Variants in TNRC18 observed in about 807,000 individuals in gnomAD.
TNRC18 encodes the protein trinucleotide repeat-containing gene 18 protein.
In TNRC18, 69 loss-of-function variants were observed where a neutral mutation model predicts 226.7. The observed-to-expected ratio is 0.30, with a 90% CI of 0.25 to 0.37. TNRC18 has a LOEUF of 0.37. TNRC18 is among the 10% of genes least tolerant of loss of function. The pLI, the probability that TNRC18 is intolerant of heterozygous loss-of-function variation, is 1.00. For synonymous variants in TNRC18, 2,449 were observed against 1,927.6 expected, an observed-to-expected ratio of 1.27 and a Z score of -7.09; for missense variants, 4,754 against 4,256.6, an observed-to-expected ratio of 1.12 and a Z score of -3.25.
At chr7:5,332,280 T>C (rs1583803138) in intron 19 of TNRC18, among the ~76,000 whole-genome samples, 1 of 151,938 alleles carries the variant, frequency 6.6e-6, no homozygotes, top group African/African-American at 2.4e-5. Context: ...CTACAAACAA[T>C]AAATTAGCCA....
chr7:5,359,287 T>A (rs1406461831), intron 15 of TNRC18, 111 bp downstream of exon 15: 1 of 1,134,330 alleles, frequency 8.8e-7, no homozygotes, highest in East Asian at 2.4e-5. Context: ...CAACCACTTC[T>A]AAGGTTTCTG....
intron 11 of TNRC18, among the ~76,000 whole-genome samples, chr7:5,370,005 A>T (rs1021422465): frequency 1.3e-5 from 2 of 152,144 alleles, no homozygotes. Context: ...ATAATTTAAA[A>T]ATCTTATAAA....
chr7:5,319,454 G>C (rs1270675385), intron 24 of TNRC18, among the ~76,000 whole-genome samples: 1 of 152,172 alleles, frequency 6.6e-6, no homozygotes, highest in Non-Finnish European at 1.5e-5. Context: ...TTGCCTGTCT[G>C]ATATCCACAC....
At position 5,330,413 on chromosome 7, in the gene TNRC18, G is replaced by GTT. The variant is rs577873847; in HGVS notation, c.6147+2207_6147+2208dup. 2.0e-4 allele frequency among the ~76,000 whole-genome samples: 28 copies of GTT among 139,974 alleles called. 2 individuals carry two copies. Among genetic ancestry groups the GTT allele is most frequent in the East Asian group, 1.2e-3 (6 of 4,812 alleles). 91.8% of individuals were successfully genotyped at this position (139,974 alleles called of 152,430 possible). A position where few individuals can be genotyped will look rare whatever the true frequency, so the allele number is the denominator to read the frequency against. ...ACTCCCAGCTAATTGTTTTTTTGTTGTTTTTTTTTTTTGGTAGAGGCAGGG... is the reference window on the plus strand; with the variant it reads ...ACTCCCAGCTAATTGTTTTTTTGTTGTTTTTTTTTTTTTTGGTAGAGGCAGGG... On this transcript the variant is annotated intron_variant, in intron 19 of 29. Coordinates refer to ENST00000430969, the MANE Select transcript of TNRC18 (RefSeq NM_001080495.3).
intron 18 of TNRC18, 42 bp downstream of exon 18, chr7:5,345,520 C>CT: frequency 5.6e-6 from 1 of 178,078 alleles, no homozygotes; most frequent in Non-Finnish European, 1.2e-5. Context: ...GGCGTCCGCC[C>CT]CTCCCACCCA....
intron 5 of TNRC18, among the ~76,000 whole-genome samples, chr7:5,385,454 G>A (rs1400175194): frequency 7.5e-6 from 1 of 133,958 alleles, no homozygotes; most frequent in African/African-American, 2.7e-5. Flanking sequence ...CGCCACTGCA[G>A]TCCGCAGTCC....
At chr7:5,325,437 T>G (rs1378314326) in intron 19 of TNRC18, 189 bp from the exon 20 acceptor site, 3 of 619,676 alleles carry the variant, frequency 4.8e-6, no homozygotes, top group Non-Finnish European at 7.9e-6. Context: ...TGTTTTTTTT[T>G]TTTTGAGACG....
intron 24 of TNRC18, 72 bp downstream of exon 24, chr7:5,320,246 G>C (rs1788210380): frequency 5.7e-6 from 7 of 1,223,376 alleles, no homozygotes; most frequent in Middle Eastern, 2.6e-4. Flanking sequence ...GTTAGAGTTG[G>C]GTTTTAGTAG....
intron 18 of TNRC18, among the ~76,000 whole-genome samples, chr7:5,334,210 G>A (rs955823799): frequency 5.9e-5 from 9 of 152,328 alleles, no homozygotes; most frequent in East Asian, 3.9e-4. Flanking sequence ...GCACTGCCCC[G>A]GTAGATGAAG....
At chr7:5,366,891 G>C (rs576302954) in intron 11 of TNRC18, among the ~76,000 whole-genome samples, 192 of 152,316 alleles carry the variant, frequency 1.3e-3, no homozygotes, top group African/African-American at 4.1e-3. Flanking sequence ...GGACGCCCAA[G>C]TGACCTCTAG....
Position 5,356,780 on chromosome 7 carries a change from A to C in TNRC18, c.5194+136T>G, listed in dbSNP as rs918154612. ...CTTGGAGGCCATGCCAAGCTCAGGCACTGTAGTGCGCCCCAGAGAGAGAGC... is the reference window on the plus strand; with the variant it reads ...CTTGGAGGCCATGCCAAGCTCAGGCCCTGTAGTGCGCCCCAGAGAGAGAGC... On this transcript the variant is annotated intron_variant, in intron 16 of 29. Transcript: ENST00000430969. 7.2e-6 allele frequency: 9 copies of C among 1,258,312 alleles called. No homozygotes were observed. In the South Asian group the frequency reaches 1.0e-4, roughly 14 times the overall value. The allele number at this position is 1,258,312 out of a possible 1,614,324, so 77.9% of individuals were successfully genotyped here. A position where few individuals can be genotyped will look rare whatever the true frequency, so the allele number is the denominator to read the frequency against.
intron 5 of TNRC18, among the ~76,000 whole-genome samples, chr7:5,382,324 G>GAGGCCC (rs1194489403): frequency 6.6e-6 from 1 of 152,156 alleles, no homozygotes; most frequent in Non-Finnish European, 1.5e-5. Context: ...AGGCCGCCCA[G>GAGGCCC]AGGCCCAGCC....
chr7:5,394,588 G>A lies in TNRC18; in HGVS notation c.195C>T (p.Ala65=). 2 of 1,545,452 alleles carry A rather than the reference G, an allele frequency of 1.3e-6. No individual in the cohort carries two copies. Among genetic ancestry groups the A allele is most frequent in the Non-Finnish European group, 1.7e-6 (2 of 1,146,080 alleles). The part of the protein sequence containing the change: ...GLNLHPHPGE[A]FLGSFVASGM... ...CGCTGGCCACAAAGCTGCCCAAGAA[G>A]GCCTCGCCTGCAGAGAGAAGTTGGG... Residue 65 remains alanine (A), a synonymous_variant, in exon 3 of 30, where the codon GCC becomes GCT. Transcript: ENST00000430969. The surrounding 1 kb of genome is among the most constrained non-coding windows in gnomAD (Gnocchi z 4.5).
intron 21 of TNRC18, among the ~76,000 whole-genome samples, chr7:5,322,821 G>A (rs893726624): frequency 3.3e-5 from 5 of 152,188 alleles, no homozygotes; most frequent in Non-Finnish European, 5.9e-5. Flanking sequence ...TGGGTGGGAC[G>A]GCCGTATCCC....
intron 8 of TNRC18, 83 bp from the exon 9 acceptor site, chr7:5,376,307 G>A (rs1794670733): frequency 1.5e-5 from 18 of 1,209,190 alleles, no homozygotes; most frequent in African/African-American, 3.1e-5. Context: ...TGAAGCCAGA[G>A]AGGGGCCACA....
intron 11 of TNRC18, among the ~76,000 whole-genome samples, chr7:5,365,446 A>G (rs1449961678): frequency 5.3e-5 from 8 of 151,768 alleles, no homozygotes; most frequent in African/African-American, 1.9e-4. Flanking sequence ...ACATGGGCAC[A>G]TAGCTGGGAC....
intron 2 of TNRC18, among the ~76,000 whole-genome samples, chr7:5,409,951 A>G (rs1021427285): frequency 6.7e-5 from 10 of 149,896 alleles, no homozygotes; most frequent in Non-Finnish European, 1.3e-4. Flanking sequence ...AGATCGCACC[A>G]CTGCACTCCA....
intron 14 of TNRC18, 46 bp downstream of exon 14, chr7:5,361,548 C>T: frequency 6.9e-7 from 1 of 1,451,618 alleles, no homozygotes; most frequent in Non-Finnish European, 9.1e-7. Flanking sequence ...GGCTCCTCCC[C>T]TCAAGCTGTG....
Position 5,389,311 on chromosome 7 carries a change from C to T in TNRC18, c.513G>A (p.Gly171=). The T allele has an allele frequency of 7.8e-7, 1 of 1,279,846 alleles. No individual in the cohort carries two copies. The highest frequency in any genetic ancestry group is 9.9e-7 in the Non-Finnish European group (1 of 1,013,454). 79.3% of individuals were successfully genotyped at this position (1,279,846 alleles called of 1,614,324 possible). Residue 171 remains glycine (G), a synonymous_variant, in exon 5 of 30, where the codon GGG becomes GGA. Transcript: ENST00000430969. ...CGTGAGAGTGCAGGGAGCCCGGAGCCCCCGCGGTGGGCAGGTAGAAACCGT... is the reference window on the plus strand; with the variant it reads ...CGTGAGAGTGCAGGGAGCCCGGAGCTCCCGCGGTGGGCAGGTAGAAACCGT... ...GGDGFYLPTA[G]APGSLHSHAP...
Sources: gnomAD v4.1 joint callset for allele counts (sites outside exome capture counted in the v4.1 genomes callset) on GRCh38, gnomAD v4.1.1 for gene constraint, Gnocchi (gnomAD v3.1) non-coding constraint, MANE v1.5 for transcripts, NCBI Gene and HGNC (gene_info 2026-07-23, HGNC 2026-07-21) for gene names.